The following TLE6 variants were observed in gnomAD, a reference collection of about 807,000 sequenced individuals.
TLE6 encodes the protein TLE family member 6, subcortical maternal complex member.
In TLE6, 72 loss-of-function variants were observed where a neutral mutation model predicts 77.1. The observed-to-expected ratio is 0.93, with a 90% CI of 0.77 to 1.14. The LOEUF (loss-of-function observed/expected upper bound fraction) is 1.14. TLE6 is among the 50% of genes most tolerant of loss of function. TLE6 has a pLI of 0.00. For synonymous variants in TLE6, 366 were observed against 287.3 expected (o/e 1.27, Z -2.77); for missense variants, 843 against 747.6 (o/e 1.13, Z -1.49).
intron 8 of TLE6, 93 bp downstream of exon 8, chr19:2,987,465 T>G: frequency 6.4e-7 from 1 of 1,557,964 alleles, no homozygotes; most frequent in South Asian, 1.1e-5. Context: ...TCCTGTGGGA[T>G]TTGTCTTCCT....
intron 5 of TLE6, among the ~76,000 whole-genome samples, chr19:2,986,528 A>G (rs1298167066): frequency 6.6e-6 from 1 of 152,002 alleles, no homozygotes; most frequent in African/African-American, 2.4e-5. Context: ...AGCCTGGCCA[A>G]CATGGTGAAA....
rs937455909 is a variant in TLE6 at position 2,995,063 on chromosome 19, C to CG, written c.*59_*60insG. 8.8e-6 allele frequency: 9 copies of CG among 1,028,362 alleles called. No individual in the cohort carries two copies. Among genetic ancestry groups the CG allele is most frequent in the Admixed American group, 2.0e-5 (1 of 48,838 alleles). The allele number at this position is 1,028,362 out of a possible 1,614,324, so 63.7% of individuals were successfully genotyped here. A position where few individuals can be genotyped will look rare whatever the true frequency, so the allele number is the denominator to read the frequency against. ...TCTTTTCATCCCCCCCCTTCCCCCC[C>CG]CCCAACAAGGGGGACATGGTGGAGG... On this transcript the variant is annotated 3_prime_UTR_variant, in exon 17 of 17. Coordinates refer to ENST00000246112, the MANE Select transcript of TLE6 (RefSeq NM_001143986.2).
chr19:2,991,798 C>T, intron 13 of TLE6, 45 bp from the exon 14 acceptor site: 4 of 1,601,556 alleles, frequency 2.5e-6, no homozygotes, highest in Non-Finnish European at 3.4e-6. Context: ...GGGCCCAAAC[C>T]TCAGAGTCTT....
At chr19:2,986,605 T>C (rs1236060384) in intron 5 of TLE6, among the ~76,000 whole-genome samples, 2 of 151,814 alleles carry the variant, frequency 1.3e-5, no homozygotes, top group Non-Finnish European at 2.9e-5. Flanking sequence ...TCCCAGCTAC[T>C]CAGGAGGCTG....
In TLE6 at chr19:2,983,014, C is replaced by T. The variant is rs375761605; in HGVS notation, c.222+825C>T. Reference sequence around the variant, plus strand: ...AGGGCGCCTGGCCCAAGCAGAAGTACGCCTTCCAGCCCTGCCTGTCCTCCC... The same window carrying T: ...AGGGCGCCTGGCCCAAGCAGAAGTATGCCTTCCAGCCCTGCCTGTCCTCCC... On this transcript the variant is annotated intron_variant, in intron 5 of 16. Coordinates refer to ENST00000246112, the MANE Select transcript of TLE6 (RefSeq NM_001143986.2). Among the ~76,000 whole-genome samples the T allele has an allele frequency of 9.9e-5, 15 of 152,194 alleles. No homozygotes were observed. The East Asian group carries it at 2.3e-3, about 24-fold the overall frequency.
chr19:2,992,275 C>T (rs868511607), intron 14 of TLE6, among the ~76,000 whole-genome samples: 19 of 152,002 alleles, frequency 1.2e-4, no homozygotes, highest in African/African-American at 1.9e-4. Flanking sequence ...GAGTTCAAGA[C>T]GAGCCTGACC....
At chr19:2,989,405 G>A (rs1026172592) in intron 12 of TLE6, 92 bp downstream of exon 12, 75 of 1,581,742 alleles carry the variant, frequency 4.7e-5, no homozygotes, top group Middle Eastern at 3.5e-4. Flanking sequence ...GTGGAGAGAG[G>A]GCTTCCAGGG....
At position 2,987,740 on chromosome 19, in the gene TLE6, C is replaced by T. The variant is rs559093244; in HGVS notation, c.575C>T (p.Ala192Val). Residue 192 changes from alanine (A) to valine (V), a missense_variant, in exon 9 of 17, where the codon GCA becomes GTA. Ala to Val is a moderately conservative substitution (Grantham distance 64). Transcript: ENST00000246112. ...ATTTTCCAGGGGCAGGAAAGCAAGG[C>T]ACCAGGATCCTGTGACCCAGGAACA... is the stretch of plus-strand genomic sequence containing the variant. The part of the protein sequence containing the change: ...QAPGLGQESK[A>V]PGSCDPGTDP... The T allele has an allele frequency of 8.6e-5, 139 of 1,614,174 alleles. 3 individuals carry two copies. In the South Asian group the frequency reaches 1.2e-3, roughly 14 times the overall value.
At chr19:2,986,696 AGAGT>A (rs1337592389) in intron 5 of TLE6, 129 bp from the exon 6 acceptor site, 3 of 891,226 alleles carry the variant, frequency 3.4e-6, no homozygotes, top group Non-Finnish European at 5.1e-6. Flanking sequence ...CTTGGGTGAC[AGAGT>A]GAGACTCTGT....
In TLE6 at chr19:2,993,596, G is replaced by A. The variant is rs370695073; in HGVS notation, c.1537+14G>A. On this transcript the variant is annotated intron_variant, in intron 15 of 16. Transcript: ENST00000246112. ...TCTCCCCCTTTGGTAAGCGGCTGGC[G>A]GAAGATGAGGGGACTCCCCTGCAGC... is the stretch of plus-strand genomic sequence containing the variant. 44 of 1,539,244 alleles carry A rather than the reference G, an allele frequency of 2.9e-5. No homozygotes were observed. Among genetic ancestry groups the A allele is most frequent in the African/African-American group, 1.5e-4 (11 of 72,614 alleles).
At position 2,986,850 on chromosome 19, in the gene TLE6, G is replaced by C; in HGVS notation, c.244G>C (p.Val82Leu). The change falls in exon 6 of 17, where the codon GTG becomes CTG. Residue 82 changes from valine to leucine, a missense_variant. Val to Leu is a conservative substitution (Grantham distance 32). Transcript: ENST00000246112. ...HKQIGNVLQIVESCSQLQGFQ... is the reference protein window; with the variant it reads ...HKQIGNVLQILESCSQLQGFQ... ...CTAGATAGGAAACGTCTTACAGATT[G>C]TGGAGAGCTGCAGCCAACTCCAGGG... 6.4e-7 allele frequency: 1 copy of C among 1,551,736 alleles called. No homozygotes were observed. Among genetic ancestry groups the C allele is most frequent in the Non-Finnish European group, 8.7e-7 (1 of 1,146,992 alleles).
At position 2,991,376 on chromosome 19, in the gene TLE6, GTATATATATATA is replaced by G. The variant is rs369766984; in HGVS notation, c.1245-458_1245-447del. 1.8e-3 allele frequency among the ~76,000 whole-genome samples: 189 copies of G among 105,518 alleles called. 2 individuals are homozygous for G. The highest frequency in any genetic ancestry group is 6.1e-3 in the African/African-American group (168 of 27,672). 69.2% of individuals were successfully genotyped at this position (105,518 alleles called of 152,430 possible). ...TCCATTTCAAAAAAAAAAAAAATACGTATATATATATATATATATACACACACACACACACAC... is the reference window on the plus strand; with the variant it reads ...TCCATTTCAAAAAAAAAAAAAATACGTATATATACACACACACACACACAC... On this transcript the variant is annotated intron_variant, in intron 13 of 16. Coordinates refer to ENST00000246112, the MANE Select transcript of TLE6 (RefSeq NM_001143986.2).
At chr19:2,994,651 ATAAT>A (rs2089168492) in intron 16 of TLE6, among the ~76,000 whole-genome samples, 1 of 152,066 alleles carries the variant, frequency 6.6e-6, no homozygotes, top group Non-Finnish European at 1.5e-5. Flanking sequence ...ATTAAAAATA[ATAAT>A]TAGCTGAGTG....
At position 2,982,207 on chromosome 19, in the gene TLE6, C is replaced by T. The variant is rs1568209447; in HGVS notation, c.222+18C>T. The T allele has an allele frequency of 1.8e-5, 28 of 1,550,962 alleles. No individual in the cohort carries two copies. Among genetic ancestry groups the T allele is most frequent in the Non-Finnish European group, 2.4e-5 (27 of 1,146,868 alleles). Reference sequence around the variant, plus strand: ...ACAAGCAGGTGGGTGACCAGGAGCTCAGGGGTGCGGCTGTCCCTCCATGAA... The same window carrying T: ...ACAAGCAGGTGGGTGACCAGGAGCTTAGGGGTGCGGCTGTCCCTCCATGAA... On this transcript the variant is annotated intron_variant, in intron 5 of 16. Transcript: ENST00000246112.
In TLE6 at chr19:2,993,509, C is replaced by T; in HGVS notation, c.1464C>T (p.Ser488=). 1 of 1,597,028 alleles carries T rather than the reference C, an allele frequency of 6.3e-7. No homozygotes were observed. The highest frequency in any genetic ancestry group is 8.6e-7 in the Non-Finnish European group (1 of 1,167,164). The change falls in exon 15 of 17, where the codon AGC becomes AGT. Residue 488 remains serine (S), a synonymous_variant. Coordinates refer to ENST00000246112, the MANE Select transcript of TLE6 (RefSeq NM_001143986.2). ...GMANGQQWLQ[S]TSGSQRHMVG... ...CCAATGGCCAGCAGTGGCTGCAAAG[C>T]ACCAGCGGGAGCCAGCGGCACATGG...
intron 5 of TLE6, among the ~76,000 whole-genome samples, 159 bp downstream of exon 5, chr19:2,982,348 A>T (rs1036616421): frequency 2.2e-5 from 3 of 137,766 alleles, no homozygotes; most frequent in African/African-American, 8.4e-5. Context: ...GACCAGCCTG[A>T]TCAACATGGT....
intron 13 of TLE6, 138 bp downstream of exon 13, chr19:2,989,923 C>T: frequency 4.2e-6 from 5 of 1,195,888 alleles, no homozygotes; most frequent in Non-Finnish European, 5.8e-6. Context: ...CAGCCAAAAC[C>T]CCTTGCCCCC....
Position 2,991,948 on chromosome 19 carries a change from C to A in TLE6, c.1350C>A (p.Thr450=). 1 of 1,613,864 alleles carries A rather than the reference C, an allele frequency of 6.2e-7. No homozygotes were observed. The highest frequency in any genetic ancestry group is 8.5e-7 in the Non-Finnish European group (1 of 1,179,980). ...DACLRCWDQR[T]IMKPLEYQFK... is the part of the protein sequence containing the mutation. ...GTCTGCGGTGCTGGGACCAGAGGAC[C>A]ATCATGAAACCTCTGGAGTACCAAT... The change falls in exon 14 of 17, where the codon ACC becomes ACA. Residue 450 remains threonine, a synonymous_variant. Coordinates refer to ENST00000246112, the MANE Select transcript of TLE6 (RefSeq NM_001143986.2).
intron 14 of TLE6, among the ~76,000 whole-genome samples, chr19:2,992,914 C>T (rs1289422953): frequency 1.1e-4 from 16 of 148,030 alleles, no homozygotes; most frequent in East Asian, 6.1e-4. Context: ...GCAGGCCGGG[C>T]GCAGTGTCTC....
Sources: allele counts gnomAD v4.1 joint callset (sites outside exome capture counted in the v4.1 genomes callset), GRCh38; gene constraint gnomAD v4.1.1; transcripts MANE v1.5; gene names NCBI Gene and HGNC (gene_info 2026-07-23, HGNC 2026-07-21).